The following CRIM1 variants were observed in gnomAD, a reference collection of about 807,000 sequenced individuals.
CRIM1 encodes cysteine-rich motor neuron 1 protein.
In CRIM1, 32 loss-of-function variants were observed where a neutral mutation model predicts 116.4. That is an observed-to-expected ratio of 0.27 (90% CI 0.21 to 0.37). The LOEUF is 0.37. CRIM1 is among the 10% of genes least tolerant of loss of function. CRIM1 has a pLI of 1.00. For synonymous variants in CRIM1, 590 were observed against 509.2 expected (o/e 1.16, Z -2.13); for missense variants, 1,331 against 1,354.8 (o/e 0.98, Z 0.28).
At chr2:36,520,953 A>C (rs1450966542) in intron 12 of CRIM1, among the ~76,000 whole-genome samples, 1 of 152,214 alleles carries the variant, frequency 6.6e-6, no homozygotes, top group Non-Finnish European at 1.5e-5. Flanking sequence ...TGCATTGAGA[A>C]AATGTGGCCC....
Position 36,547,092 on chromosome 2 carries a change from C to G in CRIM1, c.2855C>G (p.Ser952Cys), listed in dbSNP as rs1222847496. The G allele has an allele frequency of 6.2e-7, 1 of 1,611,978 alleles. No homozygotes were observed. Among genetic ancestry groups the G allele is most frequent in the Non-Finnish European group, 8.5e-7 (1 of 1,178,206 alleles). ...GTGGTTCCCATAATTATATGCCTCT[C>G]TATTATAATAGCATTCCTATTCATC... Reference protein sequence around the residue: ...SVVVPIIICLSIIIAFLFINQ... With the variant: ...SVVVPIIICLCIIIAFLFINQ... Residue 952 changes from serine to cysteine, a missense_variant, in exon 16 of 17, where the codon TCT becomes TGT. Transcript: ENST00000280527.
At chr2:36,368,075 CA>C (rs2148295934) in intron 1 of CRIM1, among the ~76,000 whole-genome samples, 1 of 152,364 alleles carries the variant, frequency 6.6e-6, no homozygotes, top group African/African-American at 2.4e-5. Flanking sequence ...CTGCAGGCAG[CA>C]GCCAAATTCT....
chr2:36,520,665 A>T (rs1255190095), intron 12 of CRIM1, among the ~76,000 whole-genome samples: 1 of 152,098 alleles, frequency 6.6e-6, no homozygotes, highest in Non-Finnish European at 1.5e-5. Flanking sequence ...TTTAAAGGAG[A>T]GGGTATGGGC....
intron 5 of CRIM1, among the ~76,000 whole-genome samples, chr2:36,476,621 G>A (rs1026192684): frequency 6.6e-6 from 1 of 152,176 alleles, no homozygotes; most frequent in Non-Finnish European, 1.5e-5. Flanking sequence ...ATAAAGTTTA[G>A]CTTTGTCTGG....
At chr2:36,440,906 A>C (rs1181817783) in intron 2 of CRIM1, among the ~76,000 whole-genome samples, 1 of 152,176 alleles carries the variant, frequency 6.6e-6, no homozygotes, top group African/African-American at 2.4e-5. Context: ...TTTGAATTCA[A>C]AGATCTTTCA....
intron 11 of CRIM1, among the ~76,000 whole-genome samples, chr2:36,514,754 C>G (rs1032565794): frequency 6.6e-6 from 1 of 152,156 alleles, no homozygotes; most frequent in Non-Finnish European, 1.5e-5. Flanking sequence ...CCTTGTGCAA[C>G]AAGACTAGCC....
intron 1 of CRIM1, among the ~76,000 whole-genome samples, chr2:36,361,030 C>A (rs1047189561): frequency 2.0e-5 from 3 of 152,086 alleles, no homozygotes; most frequent in African/African-American, 7.2e-5. Flanking sequence ...ATAATTAGTT[C>A]CTCCCAAAAG....
intron 15 of CRIM1, 106 bp from the exon 16 acceptor site, chr2:36,546,878 G>A (rs1667381380): frequency 1.6e-6 from 1 of 629,334 alleles, no homozygotes; most frequent in Non-Finnish European, 2.7e-6. Flanking sequence ...TCAAAAAACT[G>A]GGAAGCAATA....
intron 2 of CRIM1, among the ~76,000 whole-genome samples, chr2:36,416,153 A>G (rs375382447): frequency 6.6e-6 from 1 of 152,250 alleles, no homozygotes; most frequent in East Asian, 1.9e-4. Context: ...GGTTACAGTG[A>G]GCAGAGATCG....
chr2:36,544,765 T>C (rs1047478731), intron 15 of CRIM1, among the ~76,000 whole-genome samples: 1 of 152,212 alleles, frequency 6.6e-6, no homozygotes, highest in South Asian at 2.1e-4. Context: ...GAAATAAATA[T>C]GTTCCTAGTC....
At chr2:36,432,470 T>A (rs1323577738) in intron 2 of CRIM1, among the ~76,000 whole-genome samples, 1 of 152,216 alleles carries the variant, frequency 6.6e-6, no homozygotes, top group Non-Finnish European at 1.5e-5. Context: ...GTCTCTGAAC[T>A]CAGTAAATAT....
intron 1 of CRIM1, among the ~76,000 whole-genome samples, chr2:36,390,950 C>T: frequency 6.6e-6 from 1 of 151,776 alleles, no homozygotes; most frequent in Non-Finnish European, 1.5e-5. Flanking sequence ...GCTGGGATTA[C>T]AGGCATGCGC....
At chr2:36,416,857 G>A (rs534553262) in intron 2 of CRIM1, among the ~76,000 whole-genome samples, 3 of 152,172 alleles carry the variant, frequency 2.0e-5, no homozygotes, top group Non-Finnish European at 4.4e-5. Context: ...TTCTGTAGTC[G>A]AACAGCCTCT....
chr2:36,404,954 T>C (rs1397420757), intron 2 of CRIM1, among the ~76,000 whole-genome samples: 1 of 152,216 alleles, frequency 6.6e-6, no homozygotes, highest in African/African-American at 2.4e-5. Flanking sequence ...CTTCCTTTTT[T>C]TCTTTACACA....
intron 7 of CRIM1, among the ~76,000 whole-genome samples, chr2:36,482,131 C>G (rs557131422): frequency 6.6e-6 from 1 of 152,196 alleles, no homozygotes; most frequent in African/African-American, 2.4e-5. Flanking sequence ...TTCTGCTGGC[C>G]TTTTTTCCTC....
chr2:36,489,079 G>T (rs996120771), intron 7 of CRIM1, among the ~76,000 whole-genome samples: 1 of 152,138 alleles, frequency 6.6e-6, no homozygotes, highest in African/African-American at 2.4e-5. Context: ...ATTCATTCAT[G>T]ATATAATTTG....
intron 2 of CRIM1, among the ~76,000 whole-genome samples, chr2:36,439,245 T>C (rs1675581198): frequency 6.6e-6 from 1 of 152,168 alleles, no homozygotes; most frequent in African/African-American, 2.4e-5. Flanking sequence ...TACCCAGCTG[T>C]GGTAAACAGT....
chr2:36,468,018 C>G (rs944348251), intron 5 of CRIM1, among the ~76,000 whole-genome samples: 1 of 152,176 alleles, frequency 6.6e-6, no homozygotes, highest in South Asian at 2.1e-4. Flanking sequence ...TAAAATACAA[C>G]TCAGTTCCAA....
chr2:36,399,152 G>A (rs1672244019), intron 2 of CRIM1, among the ~76,000 whole-genome samples: 1 of 152,198 alleles, frequency 6.6e-6, no homozygotes, highest in African/African-American at 2.4e-5. Flanking sequence ...ATTGGAGGGA[G>A]GATAGGACCA....
Sources: gnomAD v4.1 joint callset for allele counts (sites outside exome capture counted in the v4.1 genomes callset) on GRCh38, gnomAD v4.1.1 for gene constraint, MANE v1.5 for transcripts, NCBI Gene and HGNC (gene_info 2026-07-23, HGNC 2026-07-21) for gene names.